Variants in PCDHA2 observed in about 807,000 individuals in gnomAD.
The protein encoded by PCDHA2 is protocadherin alpha 2.
PCDHA2 carries 58 observed loss-of-function variants against 66.0 expected under a neutral mutation model. The observed-to-expected ratio is 0.88, with a 90% confidence interval of 0.71 to 1.09. The LOEUF (loss-of-function observed/expected upper bound fraction) is 1.09, where lower values mean the gene tolerates loss of function less well. PCDHA2 is among the 50% of genes least tolerant of loss of function. The pLI is 0.00. For synonymous variants in PCDHA2, 634 were observed against 554.0 expected (o/e 1.14, Z -2.03); for missense variants, 1,267 against 1,242.3 (o/e 1.02, Z -0.30).
At chr5:140,870,424 T>C (rs782689834) in intron 1 of PCDHA2, 6 of 1,614,156 alleles carry the variant, frequency 3.7e-6, no homozygotes, top group Non-Finnish European at 5.1e-6. Flanking sequence ...GGCCAGGGTA[T>C]CCGTGGAGGT....
intron 2 of PCDHA2, 36 bp downstream of exon 2, chr5:140,979,043 C>G: frequency 6.2e-7 from 1 of 1,612,500 alleles, no homozygotes. Context: ...CAGAAGTAAC[C>G]TTAACTTGGT....
intron 1 of PCDHA2, chr5:140,861,473 T>A: frequency 2.0e-6 from 1 of 491,574 alleles, no homozygotes; most frequent in Non-Finnish European, 4.2e-6. Context: ...ATCTGCAGAA[T>A]GGCATTTTTG....
chr5:140,841,166 TG>T, intron 1 of PCDHA2: 1 of 946,216 alleles, frequency 1.1e-6, no homozygotes, highest in Non-Finnish European at 1.6e-6. Context: ...CAAGAAGTTC[TG>T]GTTGGTCAAT....
intron 1 of PCDHA2, among the ~76,000 whole-genome samples, chr5:140,898,597 G>T (rs1452719602): frequency 6.6e-6 from 1 of 152,186 alleles, no homozygotes; most frequent in Non-Finnish European, 1.5e-5. Context: ...CTGTAGCCTT[G>T]TAGTATAGTT....
chr5:141,001,492 T>A (rs1190860523), intron 3 of PCDHA2, among the ~76,000 whole-genome samples: 1 of 152,236 alleles, frequency 6.6e-6, no homozygotes, highest in African/African-American at 2.4e-5. Context: ...CTGGAAATGC[T>A]AGCCCAGGTG....
chr5:140,937,653 C>G (rs930742748), intron 1 of PCDHA2, among the ~76,000 whole-genome samples: 1 of 151,298 alleles, frequency 6.6e-6, no homozygotes, highest in Non-Finnish European at 1.5e-5. Context: ...TGGCTCACGC[C>G]TGTAATCCCA....
intron 3 of PCDHA2, among the ~76,000 whole-genome samples, chr5:141,006,264 T>C (rs2098264343): frequency 6.6e-6 from 1 of 152,148 alleles, no homozygotes; most frequent in Non-Finnish European, 1.5e-5. Flanking sequence ...CAGGCTGGAC[T>C]GCAGTGGCAC....
At chr5:140,867,018 T>C (rs1445969805) in intron 1 of PCDHA2, 1 of 152,176 alleles carries the variant, frequency 6.6e-6, no homozygotes, top group Non-Finnish European at 1.5e-5. Context: ...TCATACACTA[T>C]ATCAAACTCT....
intron 1 of PCDHA2, among the ~76,000 whole-genome samples, chr5:140,932,460 A>G (rs1275552236): frequency 6.6e-6 from 1 of 151,902 alleles, no homozygotes; most frequent in Non-Finnish European, 1.5e-5. Flanking sequence ...TTGCCAGGGT[A>G]TATAGGAAAT....
intron 1 of PCDHA2, among the ~76,000 whole-genome samples, chr5:140,972,283 A>C (rs2096528536): frequency 2.7e-5 from 4 of 149,876 alleles, no homozygotes; most frequent in Admixed American, 2.7e-4. Flanking sequence ...TGGACCATAG[A>C]TGTGCGCCAC....
At chr5:140,962,543 G>A (rs962454688) in intron 1 of PCDHA2, among the ~76,000 whole-genome samples, 1 of 152,176 alleles carries the variant, frequency 6.6e-6, no homozygotes, top group African/African-American at 2.4e-5. Flanking sequence ...AACTAAAAAT[G>A]TAGAGGATCT....
chr5:140,955,557 C>T (rs1281978824), intron 1 of PCDHA2, among the ~76,000 whole-genome samples: 1 of 152,114 alleles, frequency 6.6e-6, no homozygotes, highest in East Asian at 1.9e-4. Flanking sequence ...GCCTCCCCAG[C>T]CATACTGAAC....
At chr5:140,823,280 C>A (rs150026852) in intron 1 of PCDHA2, 1 of 1,612,332 alleles carries the variant, frequency 6.2e-7, no homozygotes, top group African/African-American at 1.3e-5. Context: ...GGCGAGCGCC[C>A]GCTGTCGAGT....
intron 1 of PCDHA2, chr5:140,813,106 A>G (rs1554126121): frequency 1.3e-5 from 2 of 152,152 alleles, no homozygotes; most frequent in African/African-American, 4.8e-5. Context: ...AGAAGACTGT[A>G]TATTTGCTGC....
At chr5:140,822,741 G>A (rs144515035) in intron 1 of PCDHA2, 8 of 1,613,400 alleles carry the variant, frequency 5.0e-6, no homozygotes, top group East Asian at 2.2e-5. Flanking sequence ...TTGATGCCAT[G>A]GATAAAAGTA....
intron 1 of PCDHA2, among the ~76,000 whole-genome samples, chr5:140,896,062 C>T (rs781234487): frequency 1.1e-4 from 17 of 152,104 alleles, no homozygotes; most frequent in South Asian, 4.2e-4. Flanking sequence ...CCGCCTGCCT[C>T]GGCCTCCCAA....
intron 1 of PCDHA2, among the ~76,000 whole-genome samples, chr5:140,970,348 T>A (rs2096398928): frequency 6.6e-6 from 1 of 152,186 alleles, no homozygotes; most frequent in Admixed American, 6.5e-5. Context: ...ATTTTCTGGA[T>A]CTAAAATTTG....
chr5:140,822,642 G>A (rs1554128787), intron 1 of PCDHA2: 5 of 1,610,646 alleles, frequency 3.1e-6, no homozygotes, highest in Non-Finnish European at 3.4e-6. Context: ...ACGATGTAAA[G>A]TCCAAATTTA....
chr5:140,877,005 C>G, intron 1 of PCDHA2: 1 of 1,612,474 alleles, frequency 6.2e-7, no homozygotes, highest in Non-Finnish European at 8.5e-7. Context: ...TGTCGGTGCA[C>G]GCGGAGAGCG....
Sources: gnomAD v4.1 joint callset for allele counts (sites outside exome capture counted in the v4.1 genomes callset) on GRCh38, gnomAD v4.1.1 for gene constraint, MANE v1.5 for transcripts, NCBI Gene and HGNC (gene_info 2026-07-23, HGNC 2026-07-21) for gene names.